The following GPR37 variants were observed in gnomAD, a reference collection of about 807,000 sequenced individuals.
The protein encoded by GPR37 is G protein-coupled receptor 37, also known as prosaposin receptor GPR37.
Under a neutral mutation model 43.6 loss-of-function variants are expected in GPR37, and 20 were observed. The observed-to-expected ratio is 0.46, with a 90% CI of 0.32 to 0.67. GPR37 has a LOEUF of 0.67. Among genes scored for constraint, GPR37 ranks in the 30% least tolerant of loss-of-function variants. The probability of loss-of-function intolerance (pLI) is 0.03; values close to 1 mark genes in which losing one functional copy is unlikely to be tolerated. For missense variants in GPR37, 724 were observed against 797.2 expected, an observed-to-expected ratio of 0.91 and a Z score of 1.11; for synonymous variants, 315 against 322.6, an observed-to-expected ratio of 0.98 and a Z score of 0.25.
chr7:124,763,133 G>C (rs1793869387), intron 1 of GPR37, among the ~76,000 whole-genome samples: 2 of 152,172 alleles, frequency 1.3e-5, no homozygotes, highest in Admixed American at 1.3e-4. Context: ...AACTAGATGT[G>C]CCCCCTTCTT....
chr7:124,754,292 G>A (rs1392065672), intron 1 of GPR37, among the ~76,000 whole-genome samples: 2 of 152,096 alleles, frequency 1.3e-5, no homozygotes, highest in South Asian at 2.1e-4. Context: ...GCCCATGGGT[G>A]CTTTATGAAA....
rs973525004 is a variant in GPR37, at chr7:124,765,216, T to A, written c.-240A>T. 3.2e-5 allele frequency: 14 copies of A among 444,190 alleles called. No homozygotes were observed. The East Asian group carries it at 5.0e-4, about 16-fold the overall frequency. The allele number at this position is 444,190 out of a possible 1,614,324, so 27.5% of individuals were successfully genotyped here. A position where few individuals can be genotyped will look rare whatever the true frequency, so the allele number is the denominator to read the frequency against. ...TCAGCCAAGTTGAGTCCCAGCAAGG[T>A]ATGCCCTCCAAGGTTCCTAGAGGGA... On this transcript the variant is annotated 5_prime_UTR_variant, in exon 1 of 2. Transcript: ENST00000303921.
At position 124,764,597 on chromosome 7, in the gene GPR37, C is replaced by G. The variant is rs1171563256; in HGVS notation, c.380G>C (p.Gly127Ala). Residue 127 changes from glycine to alanine, a missense_variant, in exon 1 of 2, where the codon GGT (glycine) becomes GCT (alanine). This residue lies in a region of GPR37 where 382 missense variants were observed against 355.4 expected (regional missense o/e 1.07). Coordinates refer to ENST00000303921, the MANE Select transcript of GPR37 (RefSeq NM_005302.5). The surrounding 1 kb of genome is among the most constrained non-coding windows in gnomAD (Gnocchi z 5.4). ...PGPWRWKGAR[G>A]QEPSETLGRG... Reference sequence around the variant, plus strand: ...CCCCAAAGTTTCAGAAGGCTCCTGACCCCGAGCACCTTTCCACCTCCAGGG... The same window carrying G: ...CCCCAAAGTTTCAGAAGGCTCCTGAGCCCGAGCACCTTTCCACCTCCAGGG... The G allele has an allele frequency of 1.2e-6, 2 of 1,603,374 alleles. No individual in the cohort carries two copies. Among genetic ancestry groups the G allele is most frequent in the Admixed American group, 3.4e-5 (2 of 59,136 alleles).
chr7:124,754,140 G>C (rs1027088562), intron 1 of GPR37, among the ~76,000 whole-genome samples: 2 of 152,092 alleles, frequency 1.3e-5, no homozygotes, highest in Non-Finnish European at 2.9e-5. Flanking sequence ...TGCTTTATAA[G>C]TCAAGATATA....
intron 1 of GPR37, 112 bp from the exon 2 acceptor site, chr7:124,747,455 T>C: frequency 1.5e-6 from 1 of 663,258 alleles, no homozygotes; most frequent in Non-Finnish European, 2.5e-6. Flanking sequence ...TAAATAAAAA[T>C]GAGAGAGAGA....
intron 1 of GPR37, among the ~76,000 whole-genome samples, chr7:124,761,009 A>C (rs1759765442): frequency 6.6e-6 from 1 of 152,078 alleles, no homozygotes; most frequent in South Asian, 2.1e-4. Flanking sequence ...TACAAAAAAA[A>C]TTAGCCGGGT....
At chr7:124,747,945 G>A (rs914675504) in intron 1 of GPR37, among the ~76,000 whole-genome samples, 6 of 152,172 alleles carry the variant, frequency 3.9e-5, no homozygotes, top group African/African-American at 1.4e-4. Flanking sequence ...TTCTCCAGAG[G>A]CCAAAATCAA....
At chr7:124,748,010 T>C (rs1434807748) in intron 1 of GPR37, among the ~76,000 whole-genome samples, 1 of 152,200 alleles carries the variant, frequency 6.6e-6, no homozygotes. Context: ...TGCTGCGTGT[T>C]TGCCCTAGGG....
chr7:124,753,665 A>T (rs1473685775), intron 1 of GPR37, among the ~76,000 whole-genome samples: 5 of 152,248 alleles, frequency 3.3e-5, no homozygotes, highest in Admixed American at 1.3e-4. Flanking sequence ...AAAAACAGGT[A>T]GTTTGGTTAG....
intron 1 of GPR37, 31 bp downstream of exon 1, chr7:124,763,923 C>G: frequency 1.2e-6 from 2 of 1,600,026 alleles, no homozygotes; most frequent in Non-Finnish European, 1.7e-6. Context: ...CAGATAAAGC[C>G]ACTAGCTTGA....
intron 1 of GPR37, among the ~76,000 whole-genome samples, chr7:124,759,752 G>T (rs992107256): frequency 6.6e-6 from 1 of 152,110 alleles, no homozygotes. Context: ...TCTCACTCAC[G>T]GCAATATTAA....
chr7:124,762,194 A>T (rs1054088502), intron 1 of GPR37, among the ~76,000 whole-genome samples: 3 of 152,198 alleles, frequency 2.0e-5, no homozygotes. Context: ...AATAAATGCC[A>T]TTGCTCAAAA....
At chr7:124,748,190 G>A (rs993280536) in intron 1 of GPR37, among the ~76,000 whole-genome samples, 7 of 152,062 alleles carry the variant, frequency 4.6e-5, no homozygotes, top group Non-Finnish European at 1.0e-4. Flanking sequence ...CTTTAGAGGT[G>A]TAAAGGGAAA....
rs1035557797 is a variant in GPR37, at chr7:124,764,043, A to T, written c.934T>A (p.Phe312Ile). Residue 312 changes from phenylalanine (F) to isoleucine (I), a missense_variant, in exon 1 of 2, where the codon TTC becomes ATC. Physicochemically the swap from Phe to Ile is conservative, Grantham distance 21 (BLOSUM62 0). Coordinates refer to ENST00000303921, the MANE Select transcript of GPR37 (RefSeq NM_005302.5). The surrounding 1 kb of genome is among the most constrained non-coding windows in gnomAD (Gnocchi z 5.4). ...NLAFWDFLII[F>I]FCLPLVIFHE... Reference sequence around the variant, plus strand: ...AAGATGACCAGCGGAAGGCAGAAGAAGATGATGAGAAAGTCCCAGAAGGCC... The same window carrying T: ...AAGATGACCAGCGGAAGGCAGAAGATGATGATGAGAAAGTCCCAGAAGGCC... 13 of 1,614,214 alleles carry T rather than the reference A, an allele frequency of 8.1e-6. 1 individual carries two copies. The highest frequency in any genetic ancestry group is 3.3e-5 in the South Asian group (3 of 91,088).
At chr7:124,762,080 T>G (rs909878800) in intron 1 of GPR37, among the ~76,000 whole-genome samples, 6 of 152,030 alleles carry the variant, frequency 3.9e-5, no homozygotes, top group Non-Finnish European at 8.8e-5. Context: ...CAAAGCACTC[T>G]TAAGGAGGAG....
intron 1 of GPR37, among the ~76,000 whole-genome samples, chr7:124,757,732 C>T (rs368749775): frequency 1.3e-5 from 2 of 152,228 alleles, no homozygotes. Flanking sequence ...TGGTGTAGAA[C>T]ATTACTTTAC....
At chr7:124,748,413 C>A (rs1793696770) in intron 1 of GPR37, among the ~76,000 whole-genome samples, 1 of 152,032 alleles carries the variant, frequency 6.6e-6, no homozygotes, top group African/African-American at 2.4e-5. Flanking sequence ...AAACATAAAT[C>A]CTCTCTGGAA....
chr7:124,760,550 A>C (rs1793839837), intron 1 of GPR37, among the ~76,000 whole-genome samples: 2 of 152,242 alleles, frequency 1.3e-5, no homozygotes, highest in Admixed American at 1.3e-4. Context: ...GAAACAAAAG[A>C]AGCTATACAT....
chr7:124,759,981 G>C (rs1371956867), intron 1 of GPR37, among the ~76,000 whole-genome samples: 1 of 152,146 alleles, frequency 6.6e-6, no homozygotes, highest in Non-Finnish European at 1.5e-5. Context: ...CTGTACAGGA[G>C]AAAGAACTGT....
Sources: allele counts gnomAD v4.1 joint callset (sites outside exome capture counted in the v4.1 genomes callset), GRCh38; gene constraint gnomAD v4.1.1; regional missense constraint gnomAD v4.1.1; non-coding constraint Gnocchi (gnomAD v3.1); transcripts MANE v1.5; gene names NCBI Gene and HGNC (gene_info 2026-07-23, HGNC 2026-07-21).